The following DPYS variants were observed in gnomAD, a reference collection of about 807,000 sequenced individuals.
The protein encoded by DPYS is dihydropyrimidine amidohydrolase.
Under a neutral mutation model 50.3 loss-of-function variants are expected in DPYS, and 39 were observed. That is an observed-to-expected ratio of 0.78 (90% CI 0.60 to 1.01). The LOEUF (loss-of-function observed/expected upper bound fraction) is 1.01. Among genes scored for constraint, DPYS ranks in the 50% least tolerant of loss-of-function variants. DPYS has a pLI of 0.00. For missense variants in DPYS, 659 were observed against 680.9 expected, an observed-to-expected ratio of 0.97 and a Z score of 0.36; for synonymous variants, 245 against 250.7, an observed-to-expected ratio of 0.98 and a Z score of 0.22.
intron 4 of DPYS, among the ~76,000 whole-genome samples, chr8:104,431,239 AG>A (rs1473014503): frequency 1.3e-5 from 2 of 152,102 alleles, no homozygotes; most frequent in African/African-American, 2.4e-5. Context: ...TGGTTCCAAA[AG>A]TTCTGCAATT....
Position 104,466,907 on chromosome 8 carries a change from G to C in DPYS, c.14C>G (p.Ser5Trp). The change falls in exon 1 of 10, where the codon TCG (serine) becomes TGG (tryptophan). Residue 5 changes from serine to tryptophan, a missense_variant. By Grantham distance (177) the Ser-to-Trp change is radical. Transcript: ENST00000351513. MAAP[S>W]RLLIRGGRVV... ...GCGACCCCCGCGGATCAGGAGCCGCGAGGGCGCCGCCATAGCGAGGGGCGC... is the reference window on the plus strand; with the variant it reads ...GCGACCCCCGCGGATCAGGAGCCGCCAGGGCGCCGCCATAGCGAGGGGCGC... 1 of 1,499,158 alleles carries C rather than the reference G, an allele frequency of 6.7e-7. No individual in the cohort carries two copies. The highest frequency in any genetic ancestry group is 8.8e-7 in the Non-Finnish European group (1 of 1,130,328). 92.9% of individuals were successfully genotyped at this position (1,499,158 alleles called of 1,614,324 possible).
At chr8:104,411,792 G>A (rs898312402) in intron 7 of DPYS, 2 of 152,136 alleles carry the variant, frequency 1.3e-5, no homozygotes, top group African/African-American at 4.8e-5. Context: ...CTGGCCTCAA[G>A]AGCACATCTG....
intron 1 of DPYS, among the ~76,000 whole-genome samples, chr8:104,457,214 C>A (rs570092798): frequency 6.6e-6 from 1 of 152,154 alleles, no homozygotes; most frequent in Non-Finnish European, 1.5e-5. Context: ...TGGCCACAAG[C>A]ACTGCAATAT....
At chr8:104,409,461 G>T (rs558632328) in intron 7 of DPYS, among the ~76,000 whole-genome samples, 2 of 151,826 alleles carry the variant, frequency 1.3e-5, no homozygotes, top group South Asian at 4.2e-4. Flanking sequence ...CTCCAGCCTG[G>T]GTGACAGAGA....
At chr8:104,401,942 G>A (rs1211952388) in intron 7 of DPYS, among the ~76,000 whole-genome samples, 1 of 152,156 alleles carries the variant, frequency 6.6e-6, no homozygotes, top group South Asian at 2.1e-4. Flanking sequence ...AATTGCTTCA[G>A]CCACGTTATT....
chr8:104,403,933 G>T (rs1438017479), intron 7 of DPYS, among the ~76,000 whole-genome samples: 2 of 152,162 alleles, frequency 1.3e-5, no homozygotes, highest in Non-Finnish European at 2.9e-5. Context: ...CAGCTTTCCT[G>T]AGAAGGTAAC....
intron 1 of DPYS, among the ~76,000 whole-genome samples, chr8:104,455,290 G>A (rs1315888296): frequency 6.6e-6 from 1 of 152,220 alleles, no homozygotes; most frequent in East Asian, 1.9e-4. Flanking sequence ...ACGCTCTGAG[G>A]AAGAAGATCT....
intron 8 of DPYS, among the ~76,000 whole-genome samples, chr8:104,390,024 CAAG>C (rs1811339614): frequency 1.3e-5 from 2 of 152,196 alleles, no homozygotes; most frequent in South Asian, 2.1e-4. Context: ...GTTTTCTCTA[CAAG>C]AAGACTAAGG....
At chr8:104,390,564 C>G (rs1037457366) in intron 8 of DPYS, among the ~76,000 whole-genome samples, 1 of 149,864 alleles carries the variant, frequency 6.7e-6, no homozygotes, top group Non-Finnish European at 1.5e-5. Context: ...GTGGTGTGAT[C>G]TTGGCTCACT....
intron 7 of DPYS, chr8:104,421,160 G>A (rs76791813): frequency 6.6e-6 from 1 of 152,108 alleles, no homozygotes; most frequent in African/African-American, 2.4e-5. Context: ...ACAATCAGCA[G>A]ACATAGATAA....
chr8:104,410,772 C>CA (rs963680514), intron 7 of DPYS, among the ~76,000 whole-genome samples: 2 of 152,164 alleles, frequency 1.3e-5, no homozygotes, highest in Non-Finnish European at 2.9e-5. Context: ...CTGACAAGGA[C>CA]AAATCTCATC....
chr8:104,402,411 T>G (rs1811850993), intron 7 of DPYS, among the ~76,000 whole-genome samples: 1 of 152,216 alleles, frequency 6.6e-6, no homozygotes, highest in South Asian at 2.1e-4. Context: ...CTAGGATGTA[T>G]GTCTTATGAA....
intron 9 of DPYS, chr8:104,380,874 CTGTCT>C (rs1811008094): frequency 4.0e-6 from 1 of 251,860 alleles, no homozygotes; most frequent in African/African-American, 2.2e-5. Context: ...ATTATACTCC[CTGTCT>C]TAAGTAGTTC....
intron 7 of DPYS, among the ~76,000 whole-genome samples, chr8:104,421,787 C>G (rs543107213): frequency 1.3e-5 from 2 of 150,520 alleles, no homozygotes; most frequent in Non-Finnish European, 3.0e-5. Flanking sequence ...ATATATAGAT[C>G]TTTTAAAAAA....
At chr8:104,393,032 C>T in intron 7 of DPYS, 41 bp from the exon 8 acceptor site, 1 of 1,558,268 alleles carries the variant, frequency 6.4e-7, no homozygotes, top group Non-Finnish European at 8.9e-7. Context: ...GGATCATCAC[C>T]AGCTCACTTG....
rs764832631 is a variant in DPYS at position 104,429,552 on chromosome 8, A to T, written c.943T>A (p.Leu315Met). The change falls in exon 5 of 10, where the codon TTG becomes ATG. Residue 315 changes from leucine to methionine, a missense_variant. Transcript: ENST00000351513. ...CATCTGCAAAATGATTACTTAGCCA[A>T]CAGATTCATGAGGAAGTCGGGTGTT... ...PSTPDFLMNL[L>M]ANDDLTTTGT... is the part of the protein sequence containing the mutation. 6.2e-7 allele frequency: 1 copy of T among 1,614,048 alleles called. No homozygotes were observed. The highest frequency in any genetic ancestry group is 8.5e-7 in the Non-Finnish European group (1 of 1,179,974).
At position 104,429,598 on chromosome 8, in the gene DPYS, T is replaced by TG; in HGVS notation, c.896dup (p.Pro300ThrfsTer18). On this transcript the variant is annotated frameshift_variant, in exon 5 of 10. Coordinates refer to ENST00000351513, the MANE Select transcript of DPYS (RefSeq NM_001385.3). LOFTEE classifies it high-confidence loss of function. ...GTGTTGAGGGGTCTGGTCGCAAAGG[T>TG]GGACCCATGACATGGTGGGCTGCAT... 1 of 1,614,136 alleles carries TG rather than the reference T, an allele frequency of 6.2e-7. No individual in the cohort carries two copies. The highest frequency in any genetic ancestry group is 8.5e-7 in the Non-Finnish European group (1 of 1,180,008).
At chr8:104,458,914 G>C (rs1196176815) in intron 1 of DPYS, among the ~76,000 whole-genome samples, 1 of 152,132 alleles carries the variant, frequency 6.6e-6, no homozygotes, top group African/African-American at 2.4e-5. Flanking sequence ...GTTTATTTCT[G>C]TATCTATGCC....
chr8:104,390,791 A>G (rs1371095802), intron 8 of DPYS, among the ~76,000 whole-genome samples: 1 of 151,852 alleles, frequency 6.6e-6, no homozygotes, highest in Non-Finnish European at 1.5e-5. Flanking sequence ...GAACCACCAC[A>G]CCTGGCCAGT....
Sources: gnomAD v4.1 joint callset for allele counts (sites outside exome capture counted in the v4.1 genomes callset) on GRCh38, gnomAD v4.1.1 for gene constraint, MANE v1.5 for transcripts, NCBI Gene and HGNC (gene_info 2026-07-23, HGNC 2026-07-21) for gene names.